TTN: variants seen among roughly 807,000 people sequenced by gnomAD.
TTN encodes connectin.
In TTN, 1,525 loss-of-function variants were observed where a neutral mutation model predicts 3,223.0. The observed-to-expected ratio is 0.47, with a 90% confidence interval of 0.45 to 0.49. The LOEUF is 0.49. Ranked by LOEUF, TTN falls within the 20% of genes least tolerant of loss-of-function variation. The pLI, the probability that TTN is intolerant of heterozygous loss-of-function variation, is 0.00. For synonymous variants in TTN, 14,094 were observed against 15,161.0 expected, an observed-to-expected ratio of 0.93 and a Z score of 5.17; for missense variants, 40,786 against 43,424.0, an observed-to-expected ratio of 0.94 and a Z score of 5.40.
chr2:178,543,893 G>A lies in TTN; in HGVS notation c.96251C>T (p.Thr32084Ile). ...GCCAGATTGGTTTTCAGCTTCAATTGTGTATTTTCCAGCATCGTACCGATT... is the reference window on the plus strand; with the variant it reads ...GCCAGATTGGTTTTCAGCTTCAATTATGTATTTTCCAGCATCGTACCGATT... ...KVNRYDAGKYTIEAENQSGKK... is the reference protein window; with the variant it reads ...KVNRYDAGKYIIEAENQSGKK... The change falls in exon 346 of 363, where the codon ACA becomes ATA. Residue 32084 changes from threonine (T) to isoleucine (I), a missense_variant. Physicochemically the swap from Thr to Ile is moderately conservative, Grantham distance 89 (BLOSUM62 -1). Transcript: ENST00000589042. The A allele has an allele frequency of 1.9e-6, 3 of 1,613,610 alleles. No individual in the cohort carries two copies. The highest frequency in any genetic ancestry group is 2.5e-6 in the Non-Finnish European group (3 of 1,179,708).
intron 163 of TTN, among the ~76,000 whole-genome samples, chr2:178,666,195 A>T (rs1362232713): frequency 6.6e-6 from 1 of 152,126 alleles, no homozygotes; most frequent in African/African-American, 2.4e-5. Context: ...GAGAGAGGAG[A>T]ACAACCAAAA....
At chr2:178,617,099 A>C (rs1485892960) in intron 255 of TTN, 21 bp downstream of exon 255, 2 of 1,610,502 alleles carry the variant, frequency 1.2e-6, no homozygotes, top group Non-Finnish European at 8.5e-7. Flanking sequence ...TCCCCGATCT[A>C]AAAATAAAAT....
At chr2:178,693,256 A>G (rs2072902917) in intron 119 of TTN, among the ~76,000 whole-genome samples, 1 of 152,168 alleles carries the variant, frequency 6.6e-6, no homozygotes, top group South Asian at 2.1e-4. Flanking sequence ...TACATAATCT[A>G]ATTTTTAATA....
Position 178,697,158 on chromosome 2 carries a change from C to T in TTN, c.30765G>A (p.Lys10255=). The T allele has an allele frequency of 6.5e-7, 1 of 1,543,382 alleles. No individual in the cohort carries two copies. The highest frequency in any genetic ancestry group is 8.7e-7 in the Non-Finnish European group (1 of 1,145,290). ...KEMTPREEIV[K]KPPPPTTLIP... ...TTAAGGTAGTAGGAGGTGGAGGCTT[C>T]TTGACAATCTCTGGGAGTTTAAAAA... Residue 10255 remains lysine (K), a synonymous_variant, in exon 113 of 363, where the codon AAG becomes AAA. Coordinates refer to ENST00000589042, the MANE Select transcript of TTN (RefSeq NM_001267550.2).
Position 178,533,296 on chromosome 2 carries a change from T to G in TTN, c.103319A>C (p.Asn34440Thr). Residue 34440 changes from asparagine to threonine, a missense_variant, in exon 358 of 363, where the codon AAC becomes ACC. Asn to Thr is a moderately conservative substitution (Grantham distance 65). Coordinates refer to ENST00000589042, the MANE Select transcript of TTN (RefSeq NM_001267550.2). ...CTGGCAGCTGGTGGACCCAGCTGTG[T>G]TAGTGGCTGTGACTCTATAATAACC... Reference protein sequence around the residue: ...DTGYYRVTATNTAGSTSCQAH... With the variant: ...DTGYYRVTATTTAGSTSCQAH... 6.2e-7 allele frequency: 1 copy of G among 1,613,954 alleles called. No individual in the cohort carries two copies. The highest frequency in any genetic ancestry group is 8.5e-7 in the Non-Finnish European group (1 of 1,179,864).
Position 178,534,960 on chromosome 2 carries a change from C to A in TTN, c.101655G>T (p.Met33885Ile), listed in dbSNP as rs777177959. Residue 33885 changes from methionine (M) to isoleucine (I), a missense_variant, in exon 358 of 363, where the codon ATG becomes ATT. By Grantham distance (10) the Met-to-Ile change is conservative. Coordinates refer to ENST00000589042, the MANE Select transcript of TTN (RefSeq NM_001267550.2). ...ACTCAAAGATCATAACTAATTCTTC[C>A]ATGCTTTCAAATGATTCATGGAGGT... ...ILHLHESFES[M>I]EELVMIFEFI... 1.4e-5 allele frequency: 23 copies of A among 1,612,838 alleles called. No individual in the cohort carries two copies. The highest frequency in any genetic ancestry group is 1.8e-5 in the Non-Finnish European group (21 of 1,179,714).
Position 178,598,672 on chromosome 2 carries a change from A to G in TTN, c.56963-18T>C, listed in dbSNP as rs187501574. ...AGGAGGGGCTGCAAAGAGCCAGTAT[A>G]CGTTAGTATTCTTGACTTTTCCAAG... is the stretch of plus-strand genomic sequence containing the variant. On this transcript the variant is annotated intron_variant, in intron 291 of 362. Transcript: ENST00000589042. The G allele has an allele frequency of 2.6e-4, 417 of 1,602,778 alleles. No individual in the cohort carries two copies. The African/African-American group carries it at 4.7e-3, about 18-fold the overall frequency.
intron 1 of TTN, among the ~76,000 whole-genome samples, chr2:178,805,126 T>C (rs1296627731): frequency 6.6e-6 from 1 of 152,056 alleles, no homozygotes; most frequent in Admixed American, 6.6e-5. Flanking sequence ...GAGGATTACT[T>C]GAGGTCAGGA....
rs1028820256 is a variant in TTN at position 178,663,891 on chromosome 2, A to C, written c.36376T>G (p.Ser12126Ala). The change falls in exon 170 of 363, where the codon TCC (serine) becomes GCC (alanine). Residue 12126 changes from serine (S) to alanine (A), a missense_variant. Coordinates refer to ENST00000589042, the MANE Select transcript of TTN (RefSeq NM_001267550.2). Reference protein sequence around the residue: ...EVPPVKVPEASKEVIREEKVP... With the variant: ...EVPPVKVPEAAKEVIREEKVP... ...TTCTCTTCGCGGATAACCTCTTTGGAAGCTTCTGGCACTTGAAAGATATTA... is the reference window on the plus strand; with the variant it reads ...TTCTCTTCGCGGATAACCTCTTTGGCAGCTTCTGGCACTTGAAAGATATTA... 4.3e-6 allele frequency: 7 copies of C among 1,612,864 alleles called. No homozygotes were observed. The highest frequency in any genetic ancestry group is 5.1e-6 in the Non-Finnish European group (6 of 1,179,692).
At position 178,583,811 on chromosome 2, in the gene TTN, C is replaced by A; in HGVS notation, c.65371G>T (p.Gly21791Cys). Reference protein sequence around the residue: ...PKHDGGSKIIGYFVEACKLPG... With the variant: ...PKHDGGSKIICYFVEACKLPG... Reference sequence around the variant, plus strand: ...AGTTTGCAAGCTTCTACGAAATAGCCAATAATTTTACTGCCTCCATCATGC... The same window carrying A: ...AGTTTGCAAGCTTCTACGAAATAGCAAATAATTTTACTGCCTCCATCATGC... Residue 21791 changes from glycine (G) to cysteine (C), a missense_variant, in exon 312 of 363, where the codon GGC becomes TGC. Transcript: ENST00000589042. 7 of 1,609,924 alleles carry A rather than the reference C, an allele frequency of 4.3e-6. No individual in the cohort carries two copies. Among genetic ancestry groups the A allele is most frequent in the Non-Finnish European group, 5.9e-6 (7 of 1,178,044 alleles).
intron 38 of TTN, 91 bp downstream of exon 38, chr2:178,768,582 A>G (rs993192483): frequency 2.5e-6 from 4 of 1,579,110 alleles, no homozygotes; most frequent in Non-Finnish European, 3.5e-6. Context: ...GCTATCCCAC[A>G]TTTTATTTAT....
Position 178,735,575 on chromosome 2 carries a change from G to C in TTN, c.14871C>G (p.Thr4957=). 1 of 1,612,822 alleles carries C rather than the reference G, an allele frequency of 6.2e-7. No homozygotes were observed. Among genetic ancestry groups the C allele is most frequent in the Non-Finnish European group, 8.5e-7 (1 of 1,179,568 alleles). The change falls in exon 50 of 363, where the codon ACC becomes ACG. Residue 4957 remains threonine, a synonymous_variant. Coordinates refer to ENST00000589042, the MANE Select transcript of TTN (RefSeq NM_001267550.2). ...CCTCATTTGAAGCTGTACAGACATA[G>C]GTTCCTGAATCTTTCAGTTTGGCCA... is the stretch of plus-strand genomic sequence containing the variant. ...IPLAKLKDSG[T]YVCTASNEAG... is the part of the protein sequence containing the mutation.
rs370887455 is a variant in TTN at position 178,590,133 on chromosome 2, C to T, written c.61592G>A (p.Arg20531His). The T allele has an allele frequency of 2.5e-5, 41 of 1,613,112 alleles. No individual in the cohort carries two copies. The highest frequency in any genetic ancestry group is 4.0e-5 in the African/African-American group (3 of 74,864). ...KRVDLIQDLP[R>H]VELQIKEAVR... Reference sequence around the variant, plus strand: ...AGCTTCTTTAATTTGTAACTCAACACGAGGTAGATCCTGAATAAGGTCCAC... The same window carrying T: ...AGCTTCTTTAATTTGTAACTCAACATGAGGTAGATCCTGAATAAGGTCCAC... Residue 20531 changes from arginine (R) to histidine (H), a missense_variant, in exon 304 of 363, where the codon CGT becomes CAT. Coordinates refer to ENST00000589042, the MANE Select transcript of TTN (RefSeq NM_001267550.2).
In TTN at chr2:178,587,529, A is replaced by G. The variant is rs1238332140; in HGVS notation, c.63780T>C (p.Asn21260=). 1 of 1,609,218 alleles carries G rather than the reference A, an allele frequency of 6.2e-7. No individual in the cohort carries two copies. The highest frequency in any genetic ancestry group is 8.5e-7 in the Non-Finnish European group (1 of 1,177,350). ...NPAGEKAVFV[N]VRVLDTPGPV... ...TTAGTAACCCACCTAATACTCTGAC[A>G]TTTACGAATACAGCCTTTTCTCCTG... The change falls in exon 306 of 363, where the codon AAT becomes AAC. Residue 21260 remains asparagine (N), a synonymous_variant. Coordinates refer to ENST00000589042, the MANE Select transcript of TTN (RefSeq NM_001267550.2).
rs1197403094 is a variant in TTN, at chr2:178,663,840, GC to G, written c.36426del (p.Glu12142AspfsTer16). ...EEKVPLAPPK[E>X]PEVPPVKVPE... ...CTACCTTTAACAGGTGGGACTTCAG[GC>G]TCTTTAGGAGGAGCCAAGGGCACTT... On this transcript the variant is annotated frameshift_variant, in exon 170 of 363. Transcript: ENST00000589042. LOFTEE classifies it high-confidence loss of function. 6.2e-7 allele frequency: 1 copy of G among 1,613,314 alleles called. No individual in the cohort carries two copies. The highest frequency in any genetic ancestry group is 1.3e-5 in the African/African-American group (1 of 74,912).
In TTN at chr2:178,552,033, T is replaced by C. The variant is rs1699647195; in HGVS notation, c.90867A>G (p.Leu30289=). ...VARTTFKVPN[L]VKDAEYQFRV... ...TAAACTGGTACTCAGCATCTTTGAC[T>C]AGATTAGGAACTTTGAAAGTCGTTC... The change falls in exon 335 of 363, where the codon CTA becomes CTG. Residue 30289 remains leucine (L), a synonymous_variant. Coordinates refer to ENST00000589042, the MANE Select transcript of TTN (RefSeq NM_001267550.2). 1 of 1,613,570 alleles carries C rather than the reference T, an allele frequency of 6.2e-7. No individual in the cohort carries two copies. The highest frequency in any genetic ancestry group is 2.2e-5 in the East Asian group (1 of 44,856).
intron 6 of TTN, 121 bp downstream of exon 6, chr2:178,799,366 C>T (rs6746886): frequency 2.0e-6 from 3 of 1,480,600 alleles, no homozygotes; most frequent in African/African-American, 2.8e-5. Context: ...AGCAGCGGGA[C>T]ACTGAAGAAG....
Position 178,618,831 on chromosome 2 carries a change from A to C in TTN, c.46719T>G (p.Ala15573=), listed in dbSNP as rs1370671840. 1 of 1,609,910 alleles carries C rather than the reference A, an allele frequency of 6.2e-7. No individual in the cohort carries two copies. Among genetic ancestry groups the C allele is most frequent in the East Asian group, 2.2e-5 (1 of 44,532 alleles). The change falls in exon 251 of 363, where the codon GCT becomes GCG. Residue 15573 remains alanine, a synonymous_variant. Coordinates refer to ENST00000589042, the MANE Select transcript of TTN (RefSeq NM_001267550.2). ...ELAAAPKIKT[A]DQDLVVDVGK... Reference sequence around the variant, plus strand: ...CAACATCAACCACAAGGTCTTGGTCAGCTGTCTTGATTTTTGGTGCAGCTA... The same window carrying C: ...CAACATCAACCACAAGGTCTTGGTCCGCTGTCTTGATTTTTGGTGCAGCTA...
rs1383802530 is a variant in TTN, at chr2:178,634,643, A to G, written c.42152-14T>C. ...CAAGTTCGATTTCTGAAAATCAGAC[A>G]TTAAGAATGAGGCTTTTCAGAATGC... is the stretch of plus-strand genomic sequence containing the variant. On this transcript the variant is annotated splice_polypyrimidine_tract_variant and intron_variant, in intron 229 of 362. Transcript: ENST00000589042. This position sits in a 1 kb window ranked among gnomAD's most constrained non-coding sequence, Gnocchi z 4.6. 6.2e-7 allele frequency: 1 copy of G among 1,612,674 alleles called. No homozygotes were observed. Among genetic ancestry groups the G allele is most frequent in the South Asian group, 1.1e-5 (1 of 90,886 alleles).
Sources: gnomAD v4.1 joint callset for allele counts (sites outside exome capture counted in the v4.1 genomes callset) on GRCh38, gnomAD v4.1.1 for gene constraint, Gnocchi (gnomAD v3.1) non-coding constraint, MANE v1.5 for transcripts, NCBI Gene and HGNC (gene_info 2026-07-23, HGNC 2026-07-21) for gene names.